Variants in URAD observed in about 807,000 individuals in gnomAD.
URAD encodes ureidoimidazoline (2-oxo-4-hydroxy-4-carboxy-5-) decarboxylase.
URAD carries 4 observed loss-of-function variants against 4.6 expected under a neutral mutation model. That is an observed-to-expected ratio of 0.87 (90% CI 0.43 to 1.98). The LOEUF is 1.98. Ranked by LOEUF, URAD falls within the 30% of genes most tolerant of loss-of-function variation. The pLI is 0.03. For synonymous variants in URAD, 144 were observed against 118.2 expected, an observed-to-expected ratio of 1.22 and a Z score of -1.41; for missense variants, 300 against 255.3, an observed-to-expected ratio of 1.18 and a Z score of -1.19.
At position 27,978,360 on chromosome 13, in the gene URAD, C is replaced by T. The variant is rs1869777596; in HGVS notation, c.268G>A (p.Gly90Ser). The change falls in exon 2 of 2, where the codon GGC (glycine) becomes AGC (serine). Residue 90 changes from glycine (G) to serine (S), a missense_variant. Transcript: ENST00000332715. Reference sequence around the variant, plus strand: ...GCGCCCAGGCTCCTCAGGCCTGCGCCGCTCTGTTCCCGCTGCGACTCGGCC... The same window carrying T: ...GCGCCCAGGCTCCTCAGGCCTGCGCTGCTCTGTTCCCGCTGCGACTCGGCC... The part of the protein sequence containing the change: ...LTAESQREQS[G>S]AGLRSLGADE... 2.1e-6 allele frequency: 3 copies of T among 1,404,974 alleles called. No individual in the cohort carries two copies. The highest frequency in any genetic ancestry group is 2.8e-6 in the Non-Finnish European group (3 of 1,086,360). The allele number at this position is 1,404,974 out of a possible 1,614,324, so 87.0% of individuals were successfully genotyped here. A position where few individuals can be genotyped will look rare whatever the true frequency, so the allele number is the denominator to read the frequency against.
intron 1 of URAD, 46 bp from the exon 2 acceptor site, chr13:27,978,498 G>T: frequency 2.4e-6 from 3 of 1,252,100 alleles, no homozygotes; most frequent in Non-Finnish European, 3.0e-6. Flanking sequence ...AACCGCGCCC[G>T]TCCCGCACCG....
chr13:27,988,429 C>A (rs747324536), intron 1 of URAD, 34 bp downstream of exon 1: 2 of 1,548,426 alleles, frequency 1.3e-6, no homozygotes, highest in Admixed American at 4.0e-5. Flanking sequence ...ATTTGAAATC[C>A]CTTTGCAGAG....
chr13:27,982,769 C>T (rs1393434587), intron 1 of URAD, among the ~76,000 whole-genome samples: 4 of 152,094 alleles, frequency 2.6e-5, no homozygotes, highest in South Asian at 2.1e-4. Context: ...TTCCTCAACT[C>T]GGAAAATGGT....
chr13:27,978,314 G>A lies in URAD; in HGVS notation c.314C>T (p.Ala105Val). 7.2e-7 allele frequency: 1 copy of A among 1,394,422 alleles called. No homozygotes were observed. The highest frequency in any genetic ancestry group is 1.6e-5 in the South Asian group (1 of 63,132). The allele number at this position is 1,394,422 out of a possible 1,614,324, so 86.4% of individuals were successfully genotyped here. The change falls in exon 2 of 2, where the codon GCC (alanine) becomes GTC (valine). Residue 105 changes from alanine to valine, a missense_variant. Physicochemically the swap from Ala to Val is moderately conservative, Grantham distance 64 (BLOSUM62 0). Transcript: ENST00000332715. ...SLGADERLRLAELNAQYRARF... is the reference protein window; with the variant it reads ...SLGADERLRLVELNAQYRARF... Reference sequence around the variant, plus strand: ...CGCGCGGTACTGCGCGTTGAGCTCGGCCAGCCGCAGCCGCTCGTCCGCGCC... The same window carrying A: ...CGCGCGGTACTGCGCGTTGAGCTCGACCAGCCGCAGCCGCTCGTCCGCGCC...
intron 1 of URAD, 122 bp from the exon 2 acceptor site, chr13:27,978,574 A>C (rs1869789310): frequency 8.1e-6 from 6 of 744,362 alleles, no homozygotes; most frequent in Non-Finnish European, 7.3e-6. Flanking sequence ...CCCGGCCCCA[A>C]AGAAGGCTGC....
chr13:27,980,061 C>CTGTTTTT (rs1869829889), intron 1 of URAD, among the ~76,000 whole-genome samples: 1 of 152,174 alleles, frequency 6.6e-6, no homozygotes, highest in Non-Finnish European at 1.5e-5. Context: ...TCTAACACCA[C>CTGTTTTT]TGTTTTTTGT....
At chr13:27,987,428 C>T (rs1160428727) in intron 1 of URAD, among the ~76,000 whole-genome samples, 1 of 152,212 alleles carries the variant, frequency 6.6e-6, no homozygotes, top group Non-Finnish European at 1.5e-5. Context: ...CAGAGGGATG[C>T]CTTCAGATTC....
At chr13:27,984,699 C>G (rs1377120225) in intron 1 of URAD, among the ~76,000 whole-genome samples, 3 of 152,212 alleles carry the variant, frequency 2.0e-5, no homozygotes, top group African/African-American at 7.2e-5. Flanking sequence ...CATTTTAAGG[C>G]TGGGCGCGGT....
chr13:27,980,031 G>A (rs1161504274), intron 1 of URAD, among the ~76,000 whole-genome samples: 1 of 152,196 alleles, frequency 6.6e-6, no homozygotes, highest in Non-Finnish European at 1.5e-5. Context: ...CGAAAGTCAT[G>A]TCACCTATAA....
At position 27,983,449 on chromosome 13, in the gene URAD, G is replaced by A. The variant is rs552559612; in HGVS notation, c.176-4997C>T. Among the ~76,000 whole-genome samples, 4 of 151,870 alleles carry A rather than the reference G, an allele frequency of 2.6e-5. No individual in the cohort carries two copies. The East Asian group carries it at 7.7e-4, about 29-fold the overall frequency. On this transcript the variant is annotated intron_variant, in intron 1 of 1. Coordinates refer to ENST00000332715, the MANE Select transcript of URAD (RefSeq NM_001105577.2). ...TCACCGTGTTGGCCAGGCTGGTCTCGAACTCCTGACCTCAAGTGATCCATC... is the reference window on the plus strand; with the variant it reads ...TCACCGTGTTGGCCAGGCTGGTCTCAAACTCCTGACCTCAAGTGATCCATC...
intron 1 of URAD, among the ~76,000 whole-genome samples, chr13:27,980,211 G>C (rs1056150219): frequency 6.6e-6 from 1 of 152,174 alleles, no homozygotes; most frequent in Non-Finnish European, 1.5e-5. Flanking sequence ...TTACAGGTGT[G>C]AGCCACCGAG....
Position 27,988,521 on chromosome 13 carries a change from A to G in URAD, c.117T>C (p.Ser39=), listed in dbSNP as rs907019290. ...AGTGCTTCTCTAAATCTTCCAAATC[A>G]GAGAATGGCCGCTGGGACCAAACAG... is the stretch of plus-strand genomic sequence containing the variant. ...AAAVWSQRPF[S]DLEDLEKHFF... The change falls in exon 1 of 2, where the codon TCT becomes TCC. Residue 39 remains serine (S), a synonymous_variant. Transcript: ENST00000332715. 2.5e-6 allele frequency: 4 copies of G among 1,613,966 alleles called. No individual in the cohort carries two copies. Among genetic ancestry groups the G allele is most frequent in the Non-Finnish European group, 3.4e-6 (4 of 1,179,852 alleles).
intron 1 of URAD, among the ~76,000 whole-genome samples, chr13:27,986,074 C>G (rs955225): frequency 6.6e-6 from 1 of 152,196 alleles, no homozygotes; most frequent in Admixed American, 6.5e-5. Flanking sequence ...CGAGAAGCAG[C>G]CTCCACCACA....
chr13:27,979,331 T>C (rs1869811186), intron 1 of URAD, among the ~76,000 whole-genome samples: 1 of 152,174 alleles, frequency 6.6e-6, no homozygotes, highest in Admixed American at 6.6e-5. Flanking sequence ...GAGTTACCTG[T>C]GATTTTCAGT....
intron 1 of URAD, among the ~76,000 whole-genome samples, chr13:27,984,026 A>G (rs6491244): frequency 0.38 from 58,334 of 152,124 alleles, 12,339 homozygotes; most frequent in Middle Eastern, 0.48. Context: ...TGGCATTACT[A>G]TAATTCTGAA....
intron 1 of URAD, among the ~76,000 whole-genome samples, chr13:27,986,140 C>G (rs1339610956): frequency 6.6e-6 from 1 of 152,104 alleles, no homozygotes; most frequent in Non-Finnish European, 1.5e-5. Context: ...GTCCAGGGGG[C>G]CCAAACTCCC....
chr13:27,987,050 G>A (rs976643990), intron 1 of URAD, among the ~76,000 whole-genome samples: 1 of 152,196 alleles, frequency 6.6e-6, no homozygotes, highest in Non-Finnish European at 1.5e-5. Context: ...GCTCTTCCTA[G>A]ATAAGCCTCA....
At chr13:27,986,823 G>A (rs891536044) in intron 1 of URAD, among the ~76,000 whole-genome samples, 7 of 152,076 alleles carry the variant, frequency 4.6e-5, no homozygotes, top group South Asian at 2.1e-4. Flanking sequence ...TGCTCCTTCC[G>A]GCCTGCCCTG....
intron 1 of URAD, among the ~76,000 whole-genome samples, chr13:27,985,701 C>T (rs1168025619): frequency 6.6e-6 from 1 of 152,236 alleles, no homozygotes; most frequent in African/African-American, 2.4e-5. Context: ...GCCTTCAAAA[C>T]CTGTTGGGTT....
Sources: gnomAD v4.1 joint callset for allele counts (sites outside exome capture counted in the v4.1 genomes callset) on GRCh38, gnomAD v4.1.1 for gene constraint, MANE v1.5 for transcripts, NCBI Gene and HGNC (gene_info 2026-07-23, HGNC 2026-07-21) for gene names.